COL26A1: variants seen among roughly 807,000 people sequenced by gnomAD.
COL26A1 encodes the protein collagen type XXVI alpha 1 chain, also known as collagen alpha-1(XXVI) chain.
Under a neutral mutation model 59.3 loss-of-function variants are expected in COL26A1, and 41 were observed. The observed-to-expected ratio is 0.69, with a 90% CI of 0.54 to 0.90. COL26A1 has a LOEUF of 0.90. Among genes scored for constraint, COL26A1 ranks in the 40% least tolerant of loss-of-function variants. The pLI is 0.00. For synonymous variants in COL26A1, 266 were observed against 256.0 expected, an observed-to-expected ratio of 1.04 and a Z score of -0.37; for missense variants, 612 against 602.3, an observed-to-expected ratio of 1.02 and a Z score of -0.17.
chr7:101,498,905 C>A (rs949583586), intron 3 of COL26A1, among the ~76,000 whole-genome samples: 3 of 152,128 alleles, frequency 2.0e-5, no homozygotes, highest in Non-Finnish European at 2.9e-5. Flanking sequence ...TGGTCTTCAT[C>A]GAGCGCTCTC....
intron 1 of COL26A1, among the ~76,000 whole-genome samples, chr7:101,368,161 C>T (rs1054856999): frequency 1.3e-5 from 2 of 152,140 alleles, no homozygotes; most frequent in African/African-American, 4.8e-5. Context: ...TCTAGTTCTT[C>T]CTCCTCCTTC....
chr7:101,401,692 A>AGGAGGC (rs1792006513), intron 1 of COL26A1, among the ~76,000 whole-genome samples: 1 of 129,564 alleles, frequency 7.7e-6, no homozygotes, highest in African/African-American at 3.3e-5. Context: ...GAGGCTGAGG[A>AGGAGGC]GGAGGAAGAG....
At chr7:101,436,322 A>AATCCCCTGC (rs2130340269) in intron 2 of COL26A1, among the ~76,000 whole-genome samples, 1 of 152,252 alleles carries the variant, frequency 6.6e-6, no homozygotes, top group African/African-American at 2.4e-5. Context: ...AGAGATTAAT[A>AATCCCCTGC]ATCCCCTGCC....
intron 2 of COL26A1, among the ~76,000 whole-genome samples, chr7:101,435,165 A>T (rs958954290): frequency 7.2e-5 from 11 of 152,158 alleles, no homozygotes; most frequent in Non-Finnish European, 1.5e-4. Context: ...TCTCTACTAG[A>T]AATACAAAAA....
chr7:101,538,354 G>A lies in COL26A1; in HGVS notation c.448-1539G>A, dbSNP rs148233654. Reference sequence around the variant, plus strand: ...GCCTCCACGAAGCTCAGCCGGGGTTGAGACAGAACTGTTGGGAGGATAAAC... The same window carrying A: ...GCCTCCACGAAGCTCAGCCGGGGTTAAGACAGAACTGTTGGGAGGATAAAC... On this transcript the variant is annotated intron_variant, in intron 4 of 12. Coordinates refer to ENST00000313669, the MANE Select transcript of COL26A1 (RefSeq NM_001278563.3). Among the ~76,000 whole-genome samples the A allele has an allele frequency of 2.1e-3, 321 of 152,352 alleles. 1 individual carries two copies. Among genetic ancestry groups the A allele is most frequent in the African/African-American group, 7.5e-3 (310 of 41,588 alleles).
At chr7:101,495,531 C>G (rs890340827) in intron 3 of COL26A1, among the ~76,000 whole-genome samples, 1 of 151,914 alleles carries the variant, frequency 6.6e-6, no homozygotes, top group Non-Finnish European at 1.5e-5. Context: ...GCCTCGGCCT[C>G]CCGAGTAGCT....
intron 6 of COL26A1, 95 bp from the exon 7 acceptor site, chr7:101,545,243 C>T: frequency 2.5e-6 from 3 of 1,211,050 alleles, no homozygotes; most frequent in South Asian, 1.6e-5. Flanking sequence ...CCTGACCAAC[C>T]CTGTTTCTTT....
intron 2 of COL26A1, among the ~76,000 whole-genome samples, chr7:101,431,494 A>C (rs1284594073): frequency 2.0e-5 from 3 of 152,158 alleles, no homozygotes; most frequent in Non-Finnish European, 4.4e-5. Context: ...CCCTGAGCTT[A>C]GGGAGCTTCC....
At chr7:101,549,127 C>T (rs764285003) in intron 8 of COL26A1, 44 bp from the exon 9 acceptor site, 5 of 1,179,612 alleles carry the variant, frequency 4.2e-6, no homozygotes, top group African/African-American at 1.6e-5. Flanking sequence ...GCTGGGGGCG[C>T]CCCCTCTCTG....
intron 1 of COL26A1, among the ~76,000 whole-genome samples, chr7:101,419,653 C>T (rs1199248252): frequency 3.9e-5 from 6 of 152,210 alleles, no homozygotes; most frequent in African/African-American, 4.8e-5. Context: ...CGTGGTGGAA[C>T]GTGTTACCTG....
At chr7:101,552,478 G>A (rs772172997) in intron 10 of COL26A1, among the ~76,000 whole-genome samples, 5 of 152,196 alleles carry the variant, frequency 3.3e-5, no homozygotes, top group Non-Finnish European at 7.3e-5. Flanking sequence ...TAGCTGGGTT[G>A]TGGTGGTGCG....
chr7:101,387,838 C>G (rs1484179362), intron 1 of COL26A1, among the ~76,000 whole-genome samples: 1 of 144,776 alleles, frequency 6.9e-6, no homozygotes, highest in Non-Finnish European at 1.5e-5. Flanking sequence ...GGTGCAATCT[C>G]GACTCACTGC....
In COL26A1 at chr7:101,489,809, TC is replaced by T. The variant is rs1563008001; in HGVS notation, c.385+42023del. 7.6e-4 allele frequency among the ~76,000 whole-genome samples: 2 copies of T among 2,648 alleles called. 1 individual carries two copies. Among genetic ancestry groups the T allele is most frequent in the Admixed American group, 7.4e-3 (2 of 270 alleles). 1.7% of individuals were successfully genotyped at this position (2,648 alleles called of 152,430 possible). A position where few individuals can be genotyped will look rare whatever the true frequency, so the allele number is the denominator to read the frequency against. ...TTCTTTCTTTCTTTCTTTCTTTCTT[TC>T]TTTCTTTCTTTCTTTCTTTCTTTCT... is the stretch of plus-strand genomic sequence containing the variant. On this transcript the variant is annotated intron_variant, in intron 3 of 12. Coordinates refer to ENST00000313669, the MANE Select transcript of COL26A1 (RefSeq NM_001278563.3).
intron 2 of COL26A1, among the ~76,000 whole-genome samples, chr7:101,441,770 C>T (rs1241588632): frequency 6.6e-6 from 1 of 152,116 alleles, no homozygotes; most frequent in Non-Finnish European, 1.5e-5. Context: ...ACATTTGGCT[C>T]AGCAGCCCGG....
At chr7:101,418,613 C>T (rs1007593059) in intron 1 of COL26A1, among the ~76,000 whole-genome samples, 8 of 151,998 alleles carry the variant, frequency 5.3e-5, no homozygotes, top group African/African-American at 4.8e-5. Flanking sequence ...GGACTATAGG[C>T]GTGTGCCACC....
At chr7:101,465,053 G>A (rs979614970) in intron 3 of COL26A1, among the ~76,000 whole-genome samples, 1 of 63,876 alleles carries the variant, frequency 1.6e-5, no homozygotes, top group Non-Finnish European at 3.5e-5. Flanking sequence ...TTTTTTTTTT[G>A]TTGGGACAGA....
Position 101,363,182 on chromosome 7 carries a change from G to A in COL26A1, c.150G>A (p.Ala50=), listed in dbSNP as rs1441551442. 4.2e-6 allele frequency: 6 copies of A among 1,422,368 alleles called. No individual in the cohort carries two copies. Among genetic ancestry groups the A allele is most frequent in the Non-Finnish European group, 5.5e-6 (6 of 1,088,032 alleles). 88.1% of individuals were successfully genotyped at this position (1,422,368 alleles called of 1,614,324 possible). A position where few individuals can be genotyped will look rare whatever the true frequency, so the allele number is the denominator to read the frequency against. ...CCGGCTCCCCTGGCAGCGGCTACGCGAGCCGCCGGTGAGTAGCTCGGGGCC... is the reference window on the plus strand; with the variant it reads ...CCGGCTCCCCTGGCAGCGGCTACGCAAGCCGCCGGTGAGTAGCTCGGGGCC... The part of the protein sequence containing the change: ...PGAGSPGSGY[A]SRRHWCHHTV... The change falls in exon 1 of 13, where the codon GCG becomes GCA. Residue 50 remains alanine, a synonymous_variant. Transcript: ENST00000313669.
chr7:101,519,680 C>T (rs546659711), intron 3 of COL26A1, among the ~76,000 whole-genome samples: 1 of 152,300 alleles, frequency 6.6e-6, no homozygotes, highest in African/African-American at 2.4e-5. Flanking sequence ...CTCTCTGTGC[C>T]TCAGCCACCC....
intron 1 of COL26A1, among the ~76,000 whole-genome samples, chr7:101,401,865 C>T (rs1264293289): frequency 6.6e-6 from 1 of 152,070 alleles, no homozygotes. Flanking sequence ...TTGTCTCCAG[C>T]GGAAAGCTGC....
Sources: allele counts gnomAD v4.1 joint callset (sites outside exome capture counted in the v4.1 genomes callset), GRCh38; gene constraint gnomAD v4.1.1; transcripts MANE v1.5; gene names NCBI Gene and HGNC (gene_info 2026-07-23, HGNC 2026-07-21).